Variants in ADGB observed in about 807,000 individuals in gnomAD.
ADGB encodes calpain-7-like protein.
ADGB carries 172 observed loss-of-function variants against 210.5 expected under a neutral mutation model. The ratio of observed to expected loss-of-function variants is 0.82; its 90% CI spans 0.72 to 0.93. The LOEUF (loss-of-function observed/expected upper bound fraction) is 0.93. Ranked by LOEUF, ADGB falls within the 40% of genes least tolerant of loss-of-function variation. The pLI is 0.00. For synonymous variants in ADGB, 658 were observed against 662.7 expected (o/e 0.99, Z 0.11); for missense variants, 2,025 against 1,964.8 (o/e 1.03, Z -0.58).
Position 146,771,203 on chromosome 6 carries a change from C to T in ADGB, c.3862+2072C>T, listed in dbSNP as rs532600812. Among the ~76,000 whole-genome samples the T allele has an allele frequency of 1.1e-3, 174 of 152,094 alleles. 2 individuals are homozygous for T. Among genetic ancestry groups the T allele is most frequent in the Admixed American group, 4.1e-3 (63 of 15,258 alleles). ...CAATCACTTCCTTGCAGCTTGTTCC[C>T]GGATGCTGTGTTTCCGGCCCAGTTC... On this transcript the variant is annotated intron_variant, in intron 29 of 35. Coordinates refer to ENST00000397944, the MANE Select transcript of ADGB (RefSeq NM_024694.4).
At chr6:146,766,615 G>A (rs1417915596) in intron 28 of ADGB, among the ~76,000 whole-genome samples, 1 of 151,974 alleles carries the variant, frequency 6.6e-6, no homozygotes, top group African/African-American at 2.4e-5. Flanking sequence ...ATAATTCAAA[G>A]TCCTCTAAGT....
At chr6:146,699,655 T>G (rs1468770239) in intron 12 of ADGB, among the ~76,000 whole-genome samples, 1 of 151,302 alleles carries the variant, frequency 6.6e-6, no homozygotes, top group African/African-American at 2.5e-5. Flanking sequence ...AGATGGCACC[T>G]AAAATTCACC....
chr6:146,663,856 T>C (rs889626058), intron 5 of ADGB, among the ~76,000 whole-genome samples: 2 of 152,136 alleles, frequency 1.3e-5, no homozygotes, highest in Non-Finnish European at 2.9e-5. Flanking sequence ...TATTTGATTA[T>C]GTCCAAGCTT....
chr6:146,706,789 A>G (rs1776576102), intron 13 of ADGB, among the ~76,000 whole-genome samples: 1 of 144,576 alleles, frequency 6.9e-6, no homozygotes, highest in African/African-American at 2.6e-5. Context: ...CTTTTTCTTA[A>G]TTAGTCTAGC....
intron 1 of ADGB, among the ~76,000 whole-genome samples, chr6:146,624,528 A>G (rs938781327): frequency 4.6e-5 from 7 of 151,892 alleles, no homozygotes; most frequent in Non-Finnish European, 7.4e-5. Flanking sequence ...TCTATTATTT[A>G]TATACTCAAA....
At chr6:146,615,185 C>T (rs926551167) in intron 1 of ADGB, among the ~76,000 whole-genome samples, 12 of 151,954 alleles carry the variant, frequency 7.9e-5, no homozygotes, top group South Asian at 2.1e-4. Context: ...GGATTACAGG[C>T]GTGAGCCACC....
chr6:146,786,744 G>A (rs1777880790), intron 32 of ADGB, among the ~76,000 whole-genome samples: 1 of 152,182 alleles, frequency 6.6e-6, no homozygotes, highest in African/African-American at 2.4e-5. Context: ...AGAGTCTAAT[G>A]TAATGCTAGG....
chr6:146,619,229 T>TTCCA (rs1780849425), intron 1 of ADGB, among the ~76,000 whole-genome samples: 1 of 152,148 alleles, frequency 6.6e-6, no homozygotes, highest in South Asian at 2.1e-4. Context: ...GAATATGTTT[T>TTCCA]TCCATCTCTA....
intron 12 of ADGB, among the ~76,000 whole-genome samples, chr6:146,694,769 A>T (rs146268143): frequency 2.0e-5 from 3 of 152,154 alleles, no homozygotes; most frequent in African/African-American, 7.2e-5. Context: ...ATGTGTAAAA[A>T]AATACTGTGT....
chr6:146,744,050 A>G (rs1777194790), intron 25 of ADGB, among the ~76,000 whole-genome samples: 1 of 152,190 alleles, frequency 6.6e-6, no homozygotes, highest in Non-Finnish European at 1.5e-5. Context: ...ACATTTATCC[A>G]AACAACCTTT....
chr6:146,672,651 G>A (rs746745406), intron 8 of ADGB, among the ~76,000 whole-genome samples, 184 bp downstream of exon 8: 51 of 151,916 alleles, frequency 3.4e-4, no homozygotes, highest in Non-Finnish European at 5.4e-4. Flanking sequence ...ATAGTTTATT[G>A]AAAGCTCCTC....
intron 9 of ADGB, among the ~76,000 whole-genome samples, chr6:146,683,689 C>T (rs929896490): frequency 6.6e-5 from 10 of 151,944 alleles, no homozygotes; most frequent in Admixed American, 2.0e-4. Context: ...TTTCTAAGAC[C>T]TCACCTGGAA....
intron 1 of ADGB, among the ~76,000 whole-genome samples, chr6:146,603,802 A>C (rs1423078487): frequency 6.6e-6 from 1 of 152,208 alleles, no homozygotes; most frequent in African/African-American, 2.4e-5. Flanking sequence ...AAACAACATA[A>C]AATAGAGGAA....
chr6:146,698,031 C>A (rs936269460), intron 12 of ADGB, among the ~76,000 whole-genome samples: 1 of 152,032 alleles, frequency 6.6e-6, no homozygotes. Flanking sequence ...AAGAAAAGAA[C>A]AATTTTAAAA....
rs902504590 is a variant in ADGB at position 146,692,848 on chromosome 6, C to T, written c.1510C>T (p.Arg504Trp). Reference sequence around the variant, plus strand: ...AGAGTTAATAGTAAAGAAGCCTGAACGGTTCCTTGAGATTTCAAGTCCATT... The same window carrying T: ...AGAGTTAATAGTAAAGAAGCCTGAATGGTTCCTTGAGATTTCAAGTCCATT... ...AQELIVKKPERFLEISSPFLN... is the reference protein window; with the variant it reads ...AQELIVKKPEWFLEISSPFLN... The change falls in exon 12 of 36, where the codon CGG (arginine) becomes TGG (tryptophan). Residue 504 changes from arginine to tryptophan, a missense_variant. Physicochemically the swap from Arg to Trp is moderately radical, Grantham distance 101. Transcript: ENST00000397944. 86 of 1,537,636 alleles carry T rather than the reference C, an allele frequency of 5.6e-5. No individual in the cohort carries two copies. The highest frequency in any genetic ancestry group is 4.2e-4 in the East Asian group (17 of 40,704).
chr6:146,666,974 C>T (rs770072653), intron 7 of ADGB, 72 bp downstream of exon 7: 22 of 1,240,494 alleles, frequency 1.8e-5, no homozygotes, highest in Non-Finnish European at 2.5e-5. Context: ...ATATTCCTAG[C>T]CTTTAAGAAA....
rs534871899 is a variant in ADGB, at chr6:146,714,631, C to A, written c.1708-751C>A. Among the ~76,000 whole-genome samples, 69 of 152,284 alleles carry A rather than the reference C, an allele frequency of 4.5e-4. No homozygotes were observed. The East Asian group carries it at 8.7e-3, about 19-fold the overall frequency. The stretch of plus-strand genomic sequence containing the variant: ...CCAGAAAGATTAGGGAGAAGAAGTG[C>A]AAATCCTTCTACAGACATTCAACCC... On this transcript the variant is annotated intron_variant, in intron 13 of 35. Transcript: ENST00000397944.
intron 23 of ADGB, among the ~76,000 whole-genome samples, chr6:146,738,600 C>A (rs994377903): frequency 2.0e-5 from 3 of 151,946 alleles, no homozygotes; most frequent in Non-Finnish European, 4.4e-5. Context: ...CAGGTGCTAC[C>A]ACCATGCCCA....
intron 9 of ADGB, among the ~76,000 whole-genome samples, chr6:146,682,812 A>G (rs1167455735): frequency 6.6e-6 from 1 of 152,168 alleles, no homozygotes; most frequent in African/African-American, 2.4e-5. Flanking sequence ...TTTACAAATA[A>G]TTCTTATATT....
Sources: allele counts gnomAD v4.1 joint callset (sites outside exome capture counted in the v4.1 genomes callset), GRCh38; gene constraint gnomAD v4.1.1; transcripts MANE v1.5; gene names NCBI Gene and HGNC (gene_info 2026-07-23, HGNC 2026-07-21).